STK4: variants seen among roughly 807,000 people sequenced by gnomAD.
STK4 encodes the protein serine/threonine-protein kinase 4.
In STK4, 30 loss-of-function variants were observed where a neutral mutation model predicts 64.9. The ratio of observed to expected loss-of-function variants is 0.46; its 90% CI spans 0.35 to 0.63. The LOEUF is 0.63. Ranked by LOEUF, STK4 falls within the 20% of genes least tolerant of loss-of-function variation. The pLI, the probability that STK4 is intolerant of heterozygous loss-of-function variation, is 0.01. For synonymous variants in STK4, 177 were observed against 199.0 expected, an observed-to-expected ratio of 0.89 and a Z score of 0.93; for missense variants, 466 against 598.5, an observed-to-expected ratio of 0.78 and a Z score of 2.31.
chr20:45,015,587 G>C (rs1171575793), intron 9 of STK4, among the ~76,000 whole-genome samples: 1 of 152,160 alleles, frequency 6.6e-6, no homozygotes, highest in Admixed American at 6.6e-5. Flanking sequence ...AACTAAAGCT[G>C]AAAACATTTG....
intron 10 of STK4, among the ~76,000 whole-genome samples, chr20:45,047,440 A>G (rs1003425795): frequency 6.6e-6 from 1 of 152,178 alleles, no homozygotes; most frequent in Admixed American, 6.5e-5. Context: ...TCTTTCTCTA[A>G]CATGTGCAGC....
intron 10 of STK4, among the ~76,000 whole-genome samples, chr20:45,061,064 G>A (rs1221610973): frequency 3.9e-5 from 6 of 152,100 alleles, no homozygotes; most frequent in Admixed American, 6.5e-5. Flanking sequence ...CAAAATGATA[G>A]GGAAAAAAAT....
chr20:45,054,334 C>G (rs537214681), intron 10 of STK4, among the ~76,000 whole-genome samples: 1 of 152,184 alleles, frequency 6.6e-6, no homozygotes, highest in Admixed American at 6.5e-5. Flanking sequence ...GAGGCCAAAG[C>G]GGGAGGATCC....
chr20:44,971,224 AT>A (rs2067240043), intron 1 of STK4, among the ~76,000 whole-genome samples: 1 of 151,886 alleles, frequency 6.6e-6, no homozygotes, highest in Admixed American at 6.6e-5. Context: ...GTTTGTTATG[AT>A]TGTCTAGCAT....
At chr20:44,972,638 T>G (rs1420247250) in intron 2 of STK4, 1 of 152,628 alleles carries the variant, frequency 6.6e-6, no homozygotes, top group East Asian at 1.9e-4. Flanking sequence ...GAAACACAGA[T>G]TTGTTAATGC....
intron 9 of STK4, among the ~76,000 whole-genome samples, chr20:45,019,996 T>C (rs1282406244): frequency 6.6e-6 from 1 of 152,210 alleles, no homozygotes; most frequent in Non-Finnish European, 1.5e-5. Context: ...CTGCACTTAG[T>C]TTAATGGCAG....
intron 10 of STK4, among the ~76,000 whole-genome samples, chr20:45,062,926 G>A (rs771701347): frequency 5.2e-5 from 7 of 135,204 alleles, no homozygotes; most frequent in African/African-American, 8.3e-5. Flanking sequence ...TCCTGACCTC[G>A]TGATCCGCCC....
Position 45,079,802 on chromosome 20 carries a change from G to A in STK4, c.*4626G>A, listed in dbSNP as rs1470520765. ...CAATTGAGGTCAGCAGTTTGTATGA[G>A]ACATAGCTTCCTCCATTGCCCCCAC... On this transcript the variant is annotated 3_prime_UTR_variant, in exon 11 of 11. Coordinates refer to ENST00000372806, the MANE Select transcript of STK4 (RefSeq NM_006282.5). 2 of 152,638 alleles carry A rather than the reference G, an allele frequency of 1.3e-5. No individual in the cohort carries two copies. Among genetic ancestry groups the A allele is most frequent in the Non-Finnish European group, 2.9e-5 (2 of 68,044 alleles). The allele number at this position is 152,638 out of a possible 1,614,324, so 9.5% of individuals were successfully genotyped here.
At chr20:45,025,234 C>A in intron 10 of STK4, 104 bp downstream of exon 10, 1 of 1,330,654 alleles carries the variant, frequency 7.5e-7, no homozygotes. Context: ...GTCTCCTAAA[C>A]CATCCCTGAC....
At chr20:45,047,090 C>T (rs989574466) in intron 10 of STK4, among the ~76,000 whole-genome samples, 6 of 152,172 alleles carry the variant, frequency 3.9e-5, no homozygotes, top group Admixed American at 2.0e-4. Flanking sequence ...CACACTTGGT[C>T]TCTTAAGACT....
chr20:44,982,982 C>T (rs1467242729), intron 4 of STK4, among the ~76,000 whole-genome samples: 1 of 152,036 alleles, frequency 6.6e-6, no homozygotes, highest in Non-Finnish European at 1.5e-5. Context: ...AGGAAGGTCA[C>T]TCAGAAGTGG....
intron 10 of STK4, among the ~76,000 whole-genome samples, chr20:45,041,191 T>C (rs1234025332): frequency 6.6e-6 from 1 of 152,212 alleles, no homozygotes; most frequent in Non-Finnish European, 1.5e-5. Flanking sequence ...TTATATAAAC[T>C]ATATGGTTCC....
intron 5 of STK4, among the ~76,000 whole-genome samples, chr20:44,989,492 T>C (rs2067595360): frequency 6.6e-6 from 1 of 151,944 alleles, no homozygotes. Flanking sequence ...TCTTTATATA[T>C]TTTAGATATA....
At chr20:44,970,939 G>A (rs2067233990) in intron 1 of STK4, among the ~76,000 whole-genome samples, 1 of 146,402 alleles carries the variant, frequency 6.8e-6, no homozygotes, top group South Asian at 2.3e-4. Flanking sequence ...GTCTTTTGTT[G>A]TAATAATTGA....
Position 45,077,614 on chromosome 20 carries a change from T to A in STK4, c.*2438T>A, listed in dbSNP as rs1415117664. On this transcript the variant is annotated 3_prime_UTR_variant, in exon 11 of 11. Transcript: ENST00000372806. ...GTCAGTCAGGCTGGTCTTGAACTCC[T>A]GACCTCAGGTGATCCACCCGCCTCA... The A allele has an allele frequency of 6.6e-6, 1 of 152,282 alleles. No individual in the cohort carries two copies. The highest frequency in any genetic ancestry group is 1.9e-4 in the East Asian group (1 of 5,192). 9.4% of individuals were successfully genotyped at this position (152,282 alleles called of 1,614,324 possible).
At chr20:45,056,965 G>A (rs183530945) in intron 10 of STK4, among the ~76,000 whole-genome samples, 53 of 152,346 alleles carry the variant, frequency 3.5e-4, no homozygotes, top group Non-Finnish European at 2.1e-4. Flanking sequence ...GCAAGCCGTC[G>A]TTTACCTTCT....
intron 1 of STK4, chr20:44,967,135 G>T: frequency 1.0e-6 from 1 of 985,318 alleles, no homozygotes; most frequent in Non-Finnish European, 1.2e-6. Context: ...CAAGGGAGGG[G>T]ATGGTGGAGG....
intron 5 of STK4, among the ~76,000 whole-genome samples, chr20:44,991,871 C>G (rs1325087451): frequency 6.6e-6 from 1 of 152,150 alleles, no homozygotes; most frequent in Non-Finnish European, 1.5e-5. Context: ...ACCATGTTGA[C>G]CAGGCTGGTC....
intron 10 of STK4, among the ~76,000 whole-genome samples, 162 bp from the exon 11 acceptor site, chr20:45,074,856 A>G (rs944822570): frequency 1.3e-5 from 2 of 152,168 alleles, no homozygotes; most frequent in Non-Finnish European, 2.9e-5. Flanking sequence ...ATGCTTTGGA[A>G]TGAATTGTCA....
Sources: allele counts gnomAD v4.1 joint callset (sites outside exome capture counted in the v4.1 genomes callset), GRCh38; gene constraint gnomAD v4.1.1; transcripts MANE v1.5; gene names NCBI Gene and HGNC (gene_info 2026-07-23, HGNC 2026-07-21).